EML4: variants seen among roughly 807,000 people sequenced by gnomAD.
EML4 encodes the protein echinoderm microtubule-associated protein-like 4.
A neutral mutation model predicts 129.0 loss-of-function variants in EML4; 72 were observed. That is an observed-to-expected ratio of 0.56 (90% CI 0.46 to 0.68). The LOEUF (loss-of-function observed/expected upper bound fraction) is 0.68, where lower values mean the gene tolerates loss of function less well. Among genes scored for constraint, EML4 ranks in the 30% least tolerant of loss-of-function variants. EML4 has a pLI of 0.00. For synonymous variants in EML4, 532 were observed against 405.0 expected (o/e 1.31, Z -3.77); for missense variants, 1,363 against 1,190.6 (o/e 1.14, Z -2.13).
chr2:42,244,038 A>T (rs1352899082), intron 1 of EML4, among the ~76,000 whole-genome samples: 1 of 151,494 alleles, frequency 6.6e-6, no homozygotes, highest in Non-Finnish European at 1.5e-5. Context: ...TTTCCTGCTT[A>T]TACTGAATGA....
intron 8 of EML4, 36 bp downstream of exon 8, chr2:42,283,008 T>G (rs1667097101): frequency 6.5e-7 from 1 of 1,535,800 alleles, no homozygotes; most frequent in Non-Finnish European, 8.8e-7. Context: ...TTTTTGTTCT[T>G]TCAGGCCCTC....
intron 11 of EML4, among the ~76,000 whole-genome samples, chr2:42,290,856 AC>A (rs1448371681): frequency 6.6e-6 from 1 of 152,258 alleles, no homozygotes; most frequent in African/African-American, 2.4e-5. Context: ...TGAAGACGTC[AC>A]TTTTGCATAT....
intron 1 of EML4, among the ~76,000 whole-genome samples, chr2:42,225,260 G>C (rs1022096353): frequency 1.3e-5 from 2 of 152,032 alleles, no homozygotes; most frequent in African/African-American, 4.8e-5. Context: ...GGTTCTGTTG[G>C]ATTATATCTG....
chr2:42,229,150 G>A (rs1468825153), intron 1 of EML4, among the ~76,000 whole-genome samples: 1 of 152,046 alleles, frequency 6.6e-6, no homozygotes, highest in Non-Finnish European at 1.5e-5. Flanking sequence ...GCAGACCTTT[G>A]TATTGGAATC....
At chr2:42,294,709 A>C (rs2103675671) in intron 11 of EML4, among the ~76,000 whole-genome samples, 1 of 152,188 alleles carries the variant, frequency 6.6e-6, no homozygotes, top group South Asian at 2.1e-4. Flanking sequence ...AAAAAAAAAA[A>C]ATTGTTGCGT....
chr2:42,329,943 A>G lies in EML4; in HGVS notation c.2682A>G (p.Gln894=), dbSNP rs1244653419. 1.9e-6 allele frequency: 3 copies of G among 1,613,894 alleles called. No homozygotes were observed. The highest frequency in any genetic ancestry group is 1.3e-5 in the African/African-American group (1 of 74,948). Residue 894 remains glutamine (Q), a synonymous_variant, in exon 23 of 23, where the codon CAA becomes CAG. Transcript: ENST00000318522. The part of the protein sequence containing the change: ...APVSSTESVI[Q]SNTPTPPPSQ... ...TCTCTTCCACTGAAAGTGTCATCCA[A>G]TCTAATACTCCCACACCGCCTCCTT... is the stretch of plus-strand genomic sequence containing the variant.
chr2:42,266,786 G>T (rs1666089691), intron 6 of EML4, among the ~76,000 whole-genome samples: 2 of 151,994 alleles, frequency 1.3e-5, no homozygotes, highest in African/African-American at 4.8e-5. Flanking sequence ...CAATGTCTCT[G>T]AGTGGTTTTC....
chr2:42,280,902 T>G lies in EML4; in HGVS notation c.720T>G (p.Ile240Met). The change falls in exon 7 of 23, where the codon ATT (isoleucine) becomes ATG (methionine). Residue 240 changes from isoleucine to methionine, a missense_variant. Physicochemically the swap from Ile to Met is conservative, Grantham distance 10 (BLOSUM62 1). Coordinates refer to ENST00000318522, the MANE Select transcript of EML4 (RefSeq NM_019063.5). ...GCGGTCGGCCAATTACCATGTTCAT[T>G]CCTTCCGATGTTGACAACTATGATG... Reference protein sequence around the residue: ...FMRGRPITMFIPSDVDNYDDI... With the variant: ...FMRGRPITMFMPSDVDNYDDI... The G allele has an allele frequency of 6.2e-7, 1 of 1,612,382 alleles. No individual in the cohort carries two copies. The highest frequency in any genetic ancestry group is 8.5e-7 in the Non-Finnish European group (1 of 1,178,924).
chr2:42,173,322 T>G lies in EML4; in HGVS notation c.25+3686T>G, dbSNP rs187273579. Among the ~76,000 whole-genome samples the G allele has an allele frequency of 2.0e-3, 298 of 152,282 alleles. 1 individual carries two copies. Among genetic ancestry groups the G allele is most frequent in the African/African-American group, 6.7e-3 (277 of 41,564 alleles). On this transcript the variant is annotated intron_variant, in intron 1 of 22. Transcript: ENST00000318522. ...GAGAGGTTTTTTTTTTAAACTTTTT[T>G]TATTGGTTGCCTCTTGAAGAGTTCA...
chr2:42,271,270 C>G (rs913357710), intron 6 of EML4, among the ~76,000 whole-genome samples: 2 of 152,174 alleles, frequency 1.3e-5, no homozygotes, highest in Non-Finnish European at 2.9e-5. Flanking sequence ...GGGCTTTGTC[C>G]AAGTATTCTC....
chr2:42,192,231 T>TG (rs1237971889), intron 1 of EML4, among the ~76,000 whole-genome samples: 1 of 149,046 alleles, frequency 6.7e-6, no homozygotes, highest in African/African-American at 2.5e-5. Context: ...GTTGTTTTTT[T>TG]GTTTTTTTTT....
chr2:42,186,108 A>G (rs1474180758), intron 1 of EML4, among the ~76,000 whole-genome samples: 1 of 152,144 alleles, frequency 6.6e-6, no homozygotes. Flanking sequence ...TTTTTACTGA[A>G]CTTTGCTGTG....
At chr2:42,193,802 C>G (rs1403661204) in intron 1 of EML4, among the ~76,000 whole-genome samples, 4 of 151,952 alleles carry the variant, frequency 2.6e-5, no homozygotes, top group Non-Finnish European at 5.9e-5. Context: ...CTTCCTGCTT[C>G]AGACTCCTGG....
At chr2:42,169,692 T>A in intron 1 of EML4, 56 bp downstream of exon 1, 1 of 1,578,680 alleles carries the variant, frequency 6.3e-7, no homozygotes, top group South Asian at 1.1e-5. Context: ...CTTTTTTCCT[T>A]CCGCACACAG....
At chr2:42,190,558 G>C (rs1395077217) in intron 1 of EML4, among the ~76,000 whole-genome samples, 3 of 152,134 alleles carry the variant, frequency 2.0e-5, no homozygotes, top group African/African-American at 7.2e-5. Context: ...TGAATGATGG[G>C]AAATCAGATA....
In EML4 at chr2:42,304,465, C is replaced by T. The variant is rs765626626; in HGVS notation, c.1900-19C>T. ...GACTTTCTCATGTACTCCCCAACAGCTGTCTGTCTCTTTTCTAGGAACCAG... is the reference window on the plus strand; with the variant it reads ...GACTTTCTCATGTACTCCCCAACAGTTGTCTGTCTCTTTTCTAGGAACCAG... On this transcript the variant is annotated intron_variant, in intron 16 of 22. Transcript: ENST00000318522. 2 of 1,611,096 alleles carry T rather than the reference C, an allele frequency of 1.2e-6. No individual in the cohort carries two copies. The highest frequency in any genetic ancestry group is 2.2e-5 in the South Asian group (2 of 90,936).
chr2:42,286,275 C>G lies in EML4; in HGVS notation c.1018C>G (p.Gln340Glu). Residue 340 changes from glutamine (Q) to glutamate (E), a missense_variant, in exon 10 of 23, where the codon CAA (glutamine) becomes GAA (glutamate). Transcript: ENST00000318522. ...CTGTCTTGTGTTTTTGCAGCCTCTA[C>G]AACCCCACGTCAGAGTGTGGGATTC... Reference protein sequence around the residue: ...AGVDKDGRPLQPHVRVWDSVT... With the variant: ...AGVDKDGRPLEPHVRVWDSVT... The G allele has an allele frequency of 6.2e-7, 1 of 1,609,340 alleles. No homozygotes were observed. Among genetic ancestry groups the G allele is most frequent in the Non-Finnish European group, 8.5e-7 (1 of 1,175,596 alleles).
chr2:42,213,757 A>T (rs544157723), intron 1 of EML4, among the ~76,000 whole-genome samples: 1 of 152,342 alleles, frequency 6.6e-6, no homozygotes, highest in African/African-American at 2.4e-5. Context: ...AATATTTAAA[A>T]TTTTTAGGTC....
At chr2:42,272,862 G>A (rs902025046) in intron 6 of EML4, among the ~76,000 whole-genome samples, 1 of 152,176 alleles carries the variant, frequency 6.6e-6, no homozygotes, top group Non-Finnish European at 1.5e-5. Flanking sequence ...TCAAGAACAT[G>A]TTCTTAGAAG....
Sources: gnomAD v4.1 joint callset for allele counts (sites outside exome capture counted in the v4.1 genomes callset) on GRCh38, gnomAD v4.1.1 for gene constraint, MANE v1.5 for transcripts, NCBI Gene and HGNC (gene_info 2026-07-23, HGNC 2026-07-21) for gene names.